The following MYBL1 variants were observed in gnomAD, a reference collection of about 807,000 sequenced individuals.
MYBL1 encodes the protein myb-related protein A.
In MYBL1, 17 loss-of-function variants were observed where a neutral mutation model predicts 96.3. The observed-to-expected ratio is 0.18, with a 90% CI of 0.12 to 0.26. The LOEUF is 0.26. Ranked by LOEUF, MYBL1 falls within the 10% of genes least tolerant of loss-of-function variation. MYBL1 has a pLI of 1.00. For synonymous variants in MYBL1, 282 were observed against 292.7 expected (o/e 0.96, Z 0.37); for missense variants, 701 against 882.9 (o/e 0.79, Z 2.61).
intron 8 of MYBL1, among the ~76,000 whole-genome samples, chr8:66,585,786 T>C (rs1809395183): frequency 6.6e-6 from 1 of 151,974 alleles, no homozygotes; most frequent in African/African-American, 2.4e-5. Context: ...AGGACATTGT[T>C]TGGGCAAAAA....
chr8:66,576,258 A>G lies in MYBL1; in HGVS notation c.1219T>C (p.Cys407Arg), dbSNP rs920373811. ...AGTACAAGACTGACGTTAAATTGGC[A>G]TTCCATGGCTCCTTCATTGTGCTGA... ...RIQHNEGAME[C>R]QFNVSLVLEG... Residue 407 changes from cysteine to arginine, a missense_variant, in exon 10 of 16, where the codon TGC (cysteine) becomes CGC (arginine). Coordinates refer to ENST00000522677, the MANE Select transcript of MYBL1 (RefSeq NM_001080416.4). The G allele has an allele frequency of 2.5e-6, 4 of 1,613,896 alleles. No homozygotes were observed. The African/African-American group carries it at 5.3e-5, about 22-fold the overall frequency.
intron 1 of MYBL1, among the ~76,000 whole-genome samples, chr8:66,605,903 C>T (rs1042744394): frequency 6.6e-6 from 1 of 152,140 alleles, no homozygotes; most frequent in African/African-American, 2.4e-5. Flanking sequence ...ACACAGTCTA[C>T]CATTTATTTA....
At position 66,597,181 on chromosome 8, in the gene MYBL1, T is replaced by A. The variant is rs1809885650; in HGVS notation, c.512+149A>T. ...CCTTTACCACAGAATTTAGTACAAATGGTCCCAAAGGTTGCTTATGTTATA... is the reference window on the plus strand; with the variant it reads ...CCTTTACCACAGAATTTAGTACAAAAGGTCCCAAAGGTTGCTTATGTTATA... On this transcript the variant is annotated intron_variant, in intron 5 of 15. Coordinates refer to ENST00000522677, the MANE Select transcript of MYBL1 (RefSeq NM_001080416.4). 4 of 504,874 alleles carry A rather than the reference T, an allele frequency of 7.9e-6. No homozygotes were observed. The East Asian group carries it at 1.3e-4, about 16-fold the overall frequency. The allele number at this position is 504,874 out of a possible 1,614,324, so 31.3% of individuals were successfully genotyped here.
At chr8:66,599,319 TTATAG>T (rs1340945618) in intron 3 of MYBL1, among the ~76,000 whole-genome samples, 177 bp from the exon 4 acceptor site, 1 of 152,222 alleles carries the variant, frequency 6.6e-6, no homozygotes, top group East Asian at 1.9e-4. Context: ...TTTTTCTTAA[TTATAG>T]TAGTCAACAG....
At chr8:66,606,952 G>A (rs1405543759) in intron 1 of MYBL1, among the ~76,000 whole-genome samples, 1 of 151,980 alleles carries the variant, frequency 6.6e-6, no homozygotes, top group African/African-American at 2.4e-5. Context: ...CATCATGCCT[G>A]GCTAATTTTT....
intron 9 of MYBL1, among the ~76,000 whole-genome samples, chr8:66,579,097 G>A (rs1233391382): frequency 6.6e-6 from 1 of 151,580 alleles, no homozygotes; most frequent in Non-Finnish European, 1.5e-5. Context: ...GGGGGAGTGG[G>A]GAGGGATAGC....
At chr8:66,591,787 G>T (rs528712169) in intron 8 of MYBL1, among the ~76,000 whole-genome samples, 2 of 151,884 alleles carry the variant, frequency 1.3e-5, no homozygotes, top group Non-Finnish European at 2.9e-5. Flanking sequence ...TACATGGAAT[G>T]TCTAAAATAA....
chr8:66,607,051 C>T lies in MYBL1; in HGVS notation c.21-4528G>A, dbSNP rs140675142. 2.1e-4 allele frequency among the ~76,000 whole-genome samples: 32 copies of T among 152,012 alleles called. No homozygotes were observed. The East Asian group carries it at 4.1e-3, about 19-fold the overall frequency. On this transcript the variant is annotated intron_variant, in intron 1 of 15. Coordinates refer to ENST00000522677, the MANE Select transcript of MYBL1 (RefSeq NM_001080416.4). ...CAGGTGATCCGCCAACCTTGGCCTC[C>T]CAAAATGCTGGGATTACAGGTTTGA...
At chr8:66,596,499 A>G (rs1354757995) in intron 5 of MYBL1, among the ~76,000 whole-genome samples, 2 of 152,190 alleles carry the variant, frequency 1.3e-5, no homozygotes, top group African/African-American at 4.8e-5. Flanking sequence ...AAGAAGACGT[A>G]TAAGAGATTA....
chr8:66,572,645 A>G, intron 11 of MYBL1, 49 bp from the exon 12 acceptor site: 2 of 938,750 alleles, frequency 2.1e-6, no homozygotes, highest in East Asian at 2.6e-5. Flanking sequence ...CTGATTTCAT[A>G]CAAGTTAATG....
intron 6 of MYBL1, 79 bp downstream of exon 6, chr8:66,595,504 C>G: frequency 1.2e-6 from 1 of 832,898 alleles, no homozygotes; most frequent in Non-Finnish European, 1.7e-6. Context: ...TTGTATTTGT[C>G]CTATTAAGAA....
intron 1 of MYBL1, among the ~76,000 whole-genome samples, chr8:66,603,102 A>T (rs1288971527): frequency 1.3e-5 from 2 of 152,110 alleles, no homozygotes; most frequent in African/African-American, 4.8e-5. Flanking sequence ...CACTACGGGA[A>T]AAATCATAAC....
chr8:66,587,999 C>A (rs1205395143), intron 8 of MYBL1, among the ~76,000 whole-genome samples: 1 of 152,102 alleles, frequency 6.6e-6, no homozygotes, highest in African/African-American at 2.4e-5. Flanking sequence ...TGTTGCAAAG[C>A]AAATTCGATG....
At chr8:66,587,452 T>C (rs148222728) in intron 8 of MYBL1, among the ~76,000 whole-genome samples, 58 of 152,296 alleles carry the variant, frequency 3.8e-4, no homozygotes, top group African/African-American at 1.3e-3. Flanking sequence ...AAACCTGAAG[T>C]CAGAGACTAT....
In MYBL1 at chr8:66,580,396, T is replaced by C. The variant is rs1586568019; in HGVS notation, c.868-30A>G. The C allele has an allele frequency of 4.2e-6, 6 of 1,427,324 alleles. No homozygotes were observed. The East Asian group carries it at 1.4e-4, about 34-fold the overall frequency. 88.4% of individuals were successfully genotyped at this position (1,427,324 alleles called of 1,614,324 possible). The stretch of plus-strand genomic sequence containing the variant: ...AGGTACAAAAGAAATTTGAATATTA[T>C]TTGTCATTCTCAATGTAGGCATAAA... On this transcript the variant is annotated intron_variant, in intron 8 of 15. Transcript: ENST00000522677.
chr8:66,595,546 A>C (rs183458203), intron 6 of MYBL1, 37 bp downstream of exon 6: 14 of 1,319,334 alleles, frequency 1.1e-5, no homozygotes, highest in Non-Finnish European at 1.4e-5. Context: ...CAACTTAAGA[A>C]AATTTTTTAA....
chr8:66,607,129 C>CAAA (rs1226149503), intron 1 of MYBL1, among the ~76,000 whole-genome samples: 1 of 124,944 alleles, frequency 8.0e-6, no homozygotes, highest in Non-Finnish European at 1.8e-5. Flanking sequence ...GTTAAAACAA[C>CAAA]AAAAAAAAAA....
chr8:66,599,291 T>G (rs888273640), intron 3 of MYBL1, 149 bp from the exon 4 acceptor site: 5 of 504,568 alleles, frequency 9.9e-6, no homozygotes, highest in Non-Finnish European at 1.7e-5. Flanking sequence ...ATGTTACATA[T>G]CTCTGCCCCA....
chr8:66,613,187 C>T lies in MYBL1; in HGVS notation c.-349G>A. 5 of 400,738 alleles carry T rather than the reference C, an allele frequency of 1.2e-5. No individual in the cohort carries two copies. Among genetic ancestry groups the T allele is most frequent in the Non-Finnish European group, 1.8e-5 (4 of 226,478 alleles). 24.8% of individuals were successfully genotyped at this position (400,738 alleles called of 1,614,324 possible). On this transcript the variant is annotated 5_prime_UTR_variant, in exon 1 of 16. Transcript: ENST00000522677. Reference sequence around the variant, plus strand: ...CCGGCTCCGCCACAGGCGCCCGACCCCTGCCCTCTCCCCCGCAGCTAGCAG... The same window carrying T: ...CCGGCTCCGCCACAGGCGCCCGACCTCTGCCCTCTCCCCCGCAGCTAGCAG...
Sources: allele counts gnomAD v4.1 joint callset (sites outside exome capture counted in the v4.1 genomes callset), GRCh38; gene constraint gnomAD v4.1.1; transcripts MANE v1.5; gene names NCBI Gene and HGNC (gene_info 2026-07-23, HGNC 2026-07-21).